The following TMEM17 variants were observed in gnomAD, a reference collection of about 807,000 sequenced individuals.
TMEM17 encodes the protein transmembrane protein 17.
Under a neutral mutation model 19.1 loss-of-function variants are expected in TMEM17, and 15 were observed. That is an observed-to-expected ratio of 0.78 (90% CI 0.52 to 1.21). The LOEUF (loss-of-function observed/expected upper bound fraction) is 1.21, where lower values mean the gene tolerates loss of function less well. Among genes scored for constraint, TMEM17 ranks in the 50% most tolerant of loss-of-function variants. The probability of loss-of-function intolerance (pLI) is 0.00; values close to 1 mark genes in which losing one functional copy is unlikely to be tolerated. For synonymous variants in TMEM17, 103 were observed against 86.9 expected (o/e 1.19, Z -1.03); for missense variants, 245 against 242.3 (o/e 1.01, Z -0.07).
the TMEM17 span, among the ~76,000 whole-genome samples, chr2:62,458,333 C>T: frequency 6.6e-6 from 1 of 152,332 alleles, no homozygotes; most frequent in East Asian, 1.9e-4. Flanking sequence ...CTATCTACAG[C>T]GCATGTCCTC....
At chr2:62,465,169 C>T in the TMEM17 span, among the ~76,000 whole-genome samples, 755 of 152,216 alleles carry the variant, frequency 5.0e-3, 4 homozygotes, top group African/African-American at 0.017. Context: ...CTCCCAAAGT[C>T]GGTGAGGCCT....
chr2:62,482,447 G>T, the TMEM17 span, among the ~76,000 whole-genome samples: 1 of 152,300 alleles, frequency 6.6e-6, no homozygotes, highest in East Asian at 1.9e-4. Flanking sequence ...TGAGCATGTT[G>T]TTATGTACCA....
At chr2:62,476,077 C>G in the TMEM17 span, among the ~76,000 whole-genome samples, 2 of 140,498 alleles carry the variant, frequency 1.4e-5, no homozygotes, top group African/African-American at 6.6e-5. Flanking sequence ...CCACTGGGGG[C>G]GGTCAGCCCA....
At chr2:62,495,157 T>C in the TMEM17 span, among the ~76,000 whole-genome samples, 68,432 of 152,138 alleles carry the variant, frequency 0.45, 15,723 homozygotes, top group Middle Eastern at 0.59. Context: ...AGCTGTGGAA[T>C]ATGTTTAGAT....
At chr2:62,486,243 A>C in the TMEM17 span, among the ~76,000 whole-genome samples, 2 of 152,114 alleles carry the variant, frequency 1.3e-5, no homozygotes, top group Non-Finnish European at 2.9e-5. Flanking sequence ...TTCTAATGAT[A>C]AGGCTGCTGG....
the TMEM17 span, among the ~76,000 whole-genome samples, chr2:62,455,207 T>C: frequency 1.3e-5 from 2 of 152,234 alleles, no homozygotes; most frequent in African/African-American, 4.8e-5. Context: ...ACATTTCATA[T>C]AAATAATACA....
At chr2:62,467,932 C>T in the TMEM17 span, among the ~76,000 whole-genome samples, 1 of 149,084 alleles carries the variant, frequency 6.7e-6, no homozygotes, top group Non-Finnish European at 1.5e-5. Context: ...AATTGTGAAA[C>T]CAAGTGTTTG....
At chr2:62,459,199 T>C in the TMEM17 span, among the ~76,000 whole-genome samples, 1 of 152,240 alleles carries the variant, frequency 6.6e-6, no homozygotes, top group Admixed American at 6.5e-5. Flanking sequence ...TTTTCATGAA[T>C]ATCAGGCAGC....
chr2:62,482,842 A>T, the TMEM17 span, among the ~76,000 whole-genome samples: 3,408 of 152,300 alleles, frequency 0.022, 136 homozygotes, highest in African/African-American at 0.077. Context: ...GCATAAGCCT[A>T]TAAACTTTAT....
the TMEM17 span, among the ~76,000 whole-genome samples, chr2:62,454,466 C>G: frequency 6.6e-6 from 1 of 152,074 alleles, no homozygotes; most frequent in Non-Finnish European, 1.5e-5. Flanking sequence ...AAAGGTGGCA[C>G]AATATAGCTG....
the TMEM17 span, among the ~76,000 whole-genome samples, chr2:62,459,686 G>A: frequency 6.6e-6 from 1 of 152,228 alleles, no homozygotes; most frequent in Non-Finnish European, 1.5e-5. Flanking sequence ...AAAAGAGAAT[G>A]CATACAATCA....
the TMEM17 span, among the ~76,000 whole-genome samples, chr2:62,488,851 T>G: frequency 6.6e-6 from 1 of 150,768 alleles, no homozygotes; most frequent in Non-Finnish European, 1.5e-5. Context: ...TTAGCACAGC[T>G]TCTCTGCTTA....
At position 62,501,221 on chromosome 2, in the gene TMEM17, T is replaced by G. The variant is rs1679918596; in HGVS notation, c.585A>C (p.Ile195=). Residue 195 remains isoleucine (I), a synonymous_variant, in exon 4 of 4, where the codon ATA becomes ATC. Coordinates refer to ENST00000335390, the MANE Select transcript of TMEM17 (RefSeq NM_198276.3). ...CAACAACACTGGATCAGATCTCTTC[T>G]ATACATGACCTCATCCTTCTCATGT... ...RGDMRRMRSC[I]EEI 6.2e-7 allele frequency: 1 copy of G among 1,614,042 alleles called. No individual in the cohort carries two copies. Among genetic ancestry groups the G allele is most frequent in the Non-Finnish European group, 8.5e-7 (1 of 1,180,012 alleles).
At chr2:62,468,008 C>T in the TMEM17 span, among the ~76,000 whole-genome samples, 1 of 151,808 alleles carries the variant, frequency 6.6e-6, no homozygotes, top group South Asian at 2.1e-4. Flanking sequence ...ATGCCCTCTG[C>T]TGGGTCTGGT....
chr2:62,453,752 C>G, the TMEM17 span, among the ~76,000 whole-genome samples: 8 of 152,178 alleles, frequency 5.3e-5, no homozygotes, highest in Non-Finnish European at 1.0e-4. Context: ...TGTCATTTTG[C>G]AGGGGAGACC....
the TMEM17 span, among the ~76,000 whole-genome samples, chr2:62,458,120 T>C: frequency 6.6e-6 from 1 of 152,212 alleles, no homozygotes; most frequent in African/African-American, 2.4e-5. Flanking sequence ...CAGCACTTAC[T>C]GCAGAGGGTG....
At chr2:62,497,145 T>C (rs1679799622), downstream of TMEM17, among the ~76,000 whole-genome samples, 1 of 152,238 alleles carries the variant, frequency 6.6e-6, no homozygotes, top group Non-Finnish European at 1.5e-5. Context: ...TTCAAGTTTA[T>C]TTTATTGCCA....
chr2:62,499,660 A>G (rs1470848829), downstream of TMEM17, among the ~76,000 whole-genome samples: 6 of 152,226 alleles, frequency 3.9e-5, no homozygotes, highest in Admixed American at 6.5e-5. Flanking sequence ...ACAACAATGA[A>G]TAAGGCAAAA....
chr2:62,489,107 C>T, the TMEM17 span, among the ~76,000 whole-genome samples: 2 of 152,182 alleles, frequency 1.3e-5, no homozygotes, highest in African/African-American at 4.8e-5. Context: ...TCTCAGAAAG[C>T]AATTATAATA....
Sources: allele counts gnomAD v4.1 joint callset (sites outside exome capture counted in the v4.1 genomes callset), GRCh38; gene constraint gnomAD v4.1.1; transcripts MANE v1.5; gene names NCBI Gene and HGNC (gene_info 2026-07-23, HGNC 2026-07-21).